Variants in ELK4 observed in about 807,000 individuals in gnomAD.
The protein encoded by ELK4 is ETS transcription factor ELK4, also known as ETS domain-containing protein Elk-4.
In ELK4, 16 loss-of-function variants were observed where a neutral mutation model predicts 29.6. The observed-to-expected ratio is 0.54, with a 90% confidence interval of 0.37 to 0.82. The LOEUF is 0.82. Ranked by LOEUF, ELK4 falls within the 40% of genes least tolerant of loss-of-function variation. ELK4 has a pLI of 0.00. For missense variants in ELK4, 465 were observed against 507.1 expected, an observed-to-expected ratio of 0.92 and a Z score of 0.80; for synonymous variants, 213 against 191.1, an observed-to-expected ratio of 1.11 and a Z score of -0.95.
intron 1 of ELK4, chr1:205,625,400 T>C (rs1670433099): frequency 3.9e-6 from 2 of 510,426 alleles, no homozygotes; most frequent in South Asian, 2.3e-5. Context: ...ATCTGCCTAC[T>C]TGTCGCCACT....
At chr1:205,623,653 T>G in intron 2 of ELK4, 23 bp downstream of exon 2, 3 of 1,612,272 alleles carry the variant, frequency 1.9e-6, no homozygotes, top group Non-Finnish European at 2.5e-6. Flanking sequence ...CTCTGTATAG[T>G]ATAAGATCAG....
chr1:205,624,433 C>T (rs952371988), intron 1 of ELK4, among the ~76,000 whole-genome samples: 3 of 152,134 alleles, frequency 2.0e-5, no homozygotes, highest in Admixed American at 1.3e-4. Context: ...GAATAATCTA[C>T]TTTTGCTCCA....
rs1670181220 is a variant in ELK4, at chr1:205,613,232, G to A, written c.*3314C>T. Reference sequence around the variant, plus strand: ...ATGCCTGTAGCCCAGCTATGCAGGAGGCTGAGGCAGGAGGATCACTTGAGC... The same window carrying A: ...ATGCCTGTAGCCCAGCTATGCAGGAAGCTGAGGCAGGAGGATCACTTGAGC... On this transcript the variant is annotated 3_prime_UTR_variant, in exon 5 of 5. Coordinates refer to ENST00000357992, the MANE Select transcript of ELK4 (RefSeq NM_001973.4). 5.1e-6 allele frequency: 1 copy of A among 197,830 alleles called. No individual in the cohort carries two copies. Among genetic ancestry groups the A allele is most frequent in the African/African-American group, 2.3e-5 (1 of 43,286 alleles). 12.3% of individuals were successfully genotyped at this position (197,830 alleles called of 1,614,324 possible).
At chr1:205,619,120 G>T in intron 3 of ELK4, 47 bp from the exon 4 acceptor site, 1 of 1,429,640 alleles carries the variant, frequency 7.0e-7, no homozygotes. Context: ...TTACCAGGAT[G>T]TTTTATCCTT....
chr1:205,621,259 C>G lies in ELK4; in HGVS notation c.208-421G>C, dbSNP rs1419660516. The stretch of plus-strand genomic sequence containing the variant: ...TGAGGTTCTCCATTTTAGAAGTAGA[C>G]ATCACTTACTTAAAACTTTCAAAAT... On this transcript the variant is annotated intron_variant, in intron 2 of 4. Transcript: ENST00000357992. Among the ~76,000 whole-genome samples the G allele has an allele frequency of 3.0e-4, 42 of 139,260 alleles. No homozygotes were observed. The Admixed American group carries it at 3.0e-3, about 10-fold the overall frequency. The allele number at this position is 139,260 out of a possible 152,430, so 91.4% of individuals were successfully genotyped here.
In ELK4 at chr1:205,631,658, G is replaced by T; in HGVS notation, c.-36C>A. On this transcript the variant is annotated 5_prime_UTR_variant, in exon 1 of 5. Transcript: ENST00000357992. ...GACGCCGCGCGCGGGGCTCCCCCTCGGTCTCCGCCTCGAACACGATGCGCC... is the reference window on the plus strand; with the variant it reads ...GACGCCGCGCGCGGGGCTCCCCCTCTGTCTCCGCCTCGAACACGATGCGCC... The T allele has an allele frequency of 3.0e-6, 1 of 337,606 alleles. No individual in the cohort carries two copies. 20.9% of individuals were successfully genotyped at this position (337,606 alleles called of 1,614,324 possible).
rs778235166 is a variant in ELK4 at position 205,620,531 on chromosome 1, G to A, written c.515C>T (p.Ala172Val). 6.2e-7 allele frequency: 1 copy of A among 1,614,206 alleles called. No individual in the cohort carries two copies. The change falls in exon 3 of 5, where the codon GCC (alanine) becomes GTC (valine). Residue 172 changes from alanine (A) to valine (V), a missense_variant. Around this residue, in one of 2 missense-constraint regions of ELK4, gnomAD observed 385 missense variants for 387.5 expected, o/e 0.99. Transcript: ENST00000357992. ...LFKLIKTENP[A>V]EKLAEKKSPQ... ...AGATTTTTTCTCTGCCAGTTTCTCG[G>A]CTGGATTCTCAGTCTTTATCAATTT...
rs146414537 is a variant in ELK4, at chr1:205,614,125, C to T, written c.*2421G>A. 9.0e-6 allele frequency: 2 copies of T among 222,474 alleles called. No individual in the cohort carries two copies. Among genetic ancestry groups the T allele is most frequent in the African/African-American group, 2.2e-5 (1 of 44,758 alleles). The allele number at this position is 222,474 out of a possible 1,614,324, so 13.8% of individuals were successfully genotyped here. On this transcript the variant is annotated 3_prime_UTR_variant, in exon 5 of 5. Coordinates refer to ENST00000357992, the MANE Select transcript of ELK4 (RefSeq NM_001973.4). ...TAGCAGATCACCAATCTGTGACAGC[C>T]TCACACCTCTGAGAGGCTATAGATT... is the stretch of plus-strand genomic sequence containing the variant.
intron 3 of ELK4, chr1:205,619,720 T>C (rs375083380): frequency 3.0e-5 from 43 of 1,444,986 alleles, no homozygotes; most frequent in East Asian, 2.8e-4. Flanking sequence ...TAGGAGGAAA[T>C]AGAAAAATCA....
At chr1:205,630,674 A>G (rs1445147419) in intron 1 of ELK4, among the ~76,000 whole-genome samples, 1 of 152,242 alleles carries the variant, frequency 6.6e-6, no homozygotes, top group Non-Finnish European at 1.5e-5. Context: ...ACTTAAAGAC[A>G]CTACCTCACT....
chr1:205,619,753 CA>C (rs1333136547), intron 3 of ELK4: 4 of 1,491,842 alleles, frequency 2.7e-6, no homozygotes, highest in African/African-American at 2.8e-5. Flanking sequence ...ACTTGTAGAA[CA>C]ATGAATTTTT....
Position 205,612,884 on chromosome 1 carries a change from A to T in ELK4, c.*3662T>A, listed in dbSNP as rs563300213. The T allele has an allele frequency of 5.4e-5, 11 of 203,680 alleles. No homozygotes were observed. The South Asian group carries it at 2.1e-3, about 39-fold the overall frequency. 12.6% of individuals were successfully genotyped at this position (203,680 alleles called of 1,614,324 possible). A position where few individuals can be genotyped will look rare whatever the true frequency, so the allele number is the denominator to read the frequency against. ...TTCAAGGAATTTTCCAGTTAAAAAA[A>T]ATCCAGTAGCCTAATAGAGGCTCAT... On this transcript the variant is annotated 3_prime_UTR_variant, in exon 5 of 5. Coordinates refer to ENST00000357992, the MANE Select transcript of ELK4 (RefSeq NM_001973.4).
chr1:205,619,256 GATA>G lies in ELK4; in HGVS notation c.1081-186_1081-184del, dbSNP rs1240927460. On this transcript the variant is annotated intron_variant, in intron 3 of 4. Transcript: ENST00000357992. ...TTTACAAACTAAGAGGGATAAAGGT[GATA>G]ATAACTACTTAAAATTTTTTAAATT... 1.3e-5 allele frequency: 14 copies of G among 1,057,218 alleles called. No individual in the cohort carries two copies. In the African/African-American group the frequency reaches 1.7e-4, roughly 12 times the overall value. 65.5% of individuals were successfully genotyped at this position (1,057,218 alleles called of 1,614,324 possible).
In ELK4 at chr1:205,613,546, G is replaced by C. The variant is rs1275669553; in HGVS notation, c.*3000C>G. The C allele has an allele frequency of 5.5e-6, 1 of 182,190 alleles. No homozygotes were observed. The highest frequency in any genetic ancestry group is 1.2e-5 in the Non-Finnish European group (1 of 85,600). 11.3% of individuals were successfully genotyped at this position (182,190 alleles called of 1,614,324 possible). On this transcript the variant is annotated 3_prime_UTR_variant, in exon 5 of 5. Transcript: ENST00000357992. ...TTTCTGAACTCTAAGGTGGTAGCTT[G>C]AAATCAGCCACAGGAGGAGTAACTA...
In ELK4 at chr1:205,610,057, A is replaced by G. The variant is rs1670129546; in HGVS notation, c.*6489T>C. ...AACAGTGCTAATATTGGTGCCCAAG[A>G]AAGTGCCAAGTGATTAACACCAATA... On this transcript the variant is annotated 3_prime_UTR_variant, in exon 5 of 5. Transcript: ENST00000357992. 4.3e-6 allele frequency: 1 copy of G among 232,060 alleles called. No individual in the cohort carries two copies. Among genetic ancestry groups the G allele is most frequent in the East Asian group, 6.1e-5 (1 of 16,424 alleles). The allele number at this position is 232,060 out of a possible 1,614,324, so 14.4% of individuals were successfully genotyped here.
At chr1:205,623,173 AAAG>A (rs1396160663) in intron 2 of ELK4, among the ~76,000 whole-genome samples, 34 of 147,812 alleles carry the variant, frequency 2.3e-4, no homozygotes, top group African/African-American at 5.0e-4. Flanking sequence ...AAAAAAAAAA[AAAG>A]AAGAAGATTT....
At chr1:205,629,317 T>C (rs1174340800) in intron 1 of ELK4, among the ~76,000 whole-genome samples, 1 of 152,234 alleles carries the variant, frequency 6.6e-6, no homozygotes, top group East Asian at 1.9e-4. Context: ...TATGATATCG[T>C]TATTCTTTTG....
intron 4 of ELK4, among the ~76,000 whole-genome samples, chr1:205,618,486 C>A (rs1670273384): frequency 6.6e-6 from 1 of 152,180 alleles, no homozygotes; most frequent in East Asian, 1.9e-4. Flanking sequence ...AAGCTGTTTG[C>A]CAGCTAGAAA....
chr1:205,619,172 C>A (rs1267091794), intron 3 of ELK4, 99 bp from the exon 4 acceptor site: 2 of 1,193,932 alleles, frequency 1.7e-6, no homozygotes, highest in Admixed American at 3.0e-5. Flanking sequence ...ATTGCCCTAT[C>A]CTCCACTCCA....
Sources: gnomAD v4.1 joint callset for allele counts (sites outside exome capture counted in the v4.1 genomes callset) on GRCh38, gnomAD v4.1.1 for gene constraint, gnomAD v4.1.1 regional missense constraint, MANE v1.5 for transcripts, NCBI Gene and HGNC (gene_info 2026-07-23, HGNC 2026-07-21) for gene names.